Variants in NBAS observed in about 807,000 individuals in gnomAD.
The protein encoded by NBAS is NAG/BC035112 fusion.
Under a neutral mutation model 302.5 loss-of-function variants are expected in NBAS, and 219 were observed. The observed-to-expected ratio is 0.72, with a 90% CI of 0.65 to 0.81. NBAS has a LOEUF of 0.81. NBAS is among the 30% of genes least tolerant of loss of function. NBAS has a pLI of 0.00. For synonymous variants in NBAS, 1,118 were observed against 1,021.6 expected (o/e 1.09, Z -1.80); for missense variants, 2,932 against 2,841.6 (o/e 1.03, Z -0.72).
chr2:15,186,716 G>A (rs910893732), intron 50 of NBAS, 26 bp downstream of exon 50: 6 of 1,613,444 alleles, frequency 3.7e-6, no homozygotes, highest in Admixed American at 3.3e-5. Flanking sequence ...CCACTCCTTA[G>A]GAAAGCACTC....
the NBAS span, among the ~76,000 whole-genome samples, chr2:14,991,600 A>G: frequency 6.6e-6 from 1 of 152,178 alleles, no homozygotes; most frequent in Admixed American, 6.5e-5. Flanking sequence ...TGCATTACCC[A>G]TTAAATCAGA....
the NBAS span, among the ~76,000 whole-genome samples, chr2:15,062,969 C>A: frequency 6.6e-6 from 1 of 152,208 alleles, no homozygotes; most frequent in Non-Finnish European, 1.5e-5. Context: ...CTGTAGCCAA[C>A]TCTGTGCCTG....
intron 9 of NBAS, among the ~76,000 whole-genome samples, chr2:15,516,247 T>A (rs1646114614): frequency 6.6e-6 from 1 of 152,162 alleles, no homozygotes; most frequent in African/African-American, 2.4e-5. Context: ...CTGAACAAAC[T>A]GATTTAATGA....
At chr2:15,465,502 T>C (rs1281402416) in intron 19 of NBAS, among the ~76,000 whole-genome samples, 1 of 152,262 alleles carries the variant, frequency 6.6e-6, no homozygotes, top group Non-Finnish European at 1.5e-5. Context: ...ATCTTGCGTT[T>C]AGGAGGCATT....
intron 44 of NBAS, among the ~76,000 whole-genome samples, chr2:15,245,217 C>A (rs1034028529): frequency 2.6e-5 from 4 of 152,132 alleles, no homozygotes; most frequent in East Asian, 3.9e-4. Context: ...AGGCCCCATG[C>A]GATCTGCTCT....
At chr2:14,844,340 G>C in the NBAS span, among the ~76,000 whole-genome samples, 1 of 152,242 alleles carries the variant, frequency 6.6e-6, no homozygotes, top group East Asian at 1.9e-4. Flanking sequence ...GAAGGAGCCA[G>C]TCCCAGCAGG....
At chr2:15,071,433 G>C in the NBAS span, among the ~76,000 whole-genome samples, 2 of 152,044 alleles carry the variant, frequency 1.3e-5, no homozygotes, top group African/African-American at 2.4e-5. Context: ...AGACCAGCCC[G>C]GCCAATACGG....
chr2:15,004,657 C>T, the NBAS span, among the ~76,000 whole-genome samples: 10 of 150,484 alleles, frequency 6.6e-5, no homozygotes, highest in East Asian at 1.4e-3. Context: ...CAGACCACCA[C>T]TCCCAGCTGA....
rs148787393 is a variant in NBAS at position 15,373,997 on chromosome 2, C to T, written c.3703+611G>A. Among the ~76,000 whole-genome samples the T allele has an allele frequency of 7.2e-5, 11 of 152,290 alleles. 1 individual carries two copies. The South Asian group carries it at 1.5e-3, about 20-fold the overall frequency. ...GGTCCAGTACACCATGAGATGTAAA[C>T]AGTCCTCACAGCATAAATAGATGAG... On this transcript the variant is annotated intron_variant, in intron 31 of 51. Coordinates refer to ENST00000281513, the MANE Select transcript of NBAS (RefSeq NM_015909.4).
At chr2:15,121,165 C>A in the NBAS span, among the ~76,000 whole-genome samples, 9 of 152,174 alleles carry the variant, frequency 5.9e-5, no homozygotes, top group African/African-American at 2.2e-4. Flanking sequence ...TCCTCATGGG[C>A]AATCTTTGTT....
chr2:15,194,568 T>C (rs923951876), intron 48 of NBAS, among the ~76,000 whole-genome samples: 1 of 152,066 alleles, frequency 6.6e-6, no homozygotes, highest in Admixed American at 6.6e-5. Flanking sequence ...TTCTTCTTTC[T>C]TAAAGAAAAT....
intron 51 of NBAS, chr2:15,178,270 A>G: frequency 2.5e-6 from 1 of 408,088 alleles, no homozygotes; most frequent in Non-Finnish European, 5.0e-6. Flanking sequence ...TATAGTGTAC[A>G]TACTCAAACA....
At chr2:15,394,078 C>T (rs1675746979) in intron 28 of NBAS, 149 bp downstream of exon 28, 8 of 892,976 alleles carry the variant, frequency 9.0e-6, no homozygotes, top group Non-Finnish European at 1.3e-5. Context: ...GCTATACACA[C>T]ATATCAAAAC....
intron 35 of NBAS, among the ~76,000 whole-genome samples, chr2:15,344,654 T>G (rs1360560266): frequency 6.6e-6 from 1 of 152,160 alleles, no homozygotes; most frequent in African/African-American, 2.4e-5. Context: ...CCTCCCTAAC[T>G]CATTTTATGA....
chr2:15,225,932 T>C (rs947092013), intron 47 of NBAS, among the ~76,000 whole-genome samples: 11 of 152,174 alleles, frequency 7.2e-5, no homozygotes, highest in Admixed American at 4.6e-4. Flanking sequence ...AGGTAAGACC[T>C]TGCTACTCAA....
the NBAS span, among the ~76,000 whole-genome samples, chr2:15,117,199 G>A: frequency 2.0e-5 from 3 of 152,114 alleles, no homozygotes; most frequent in African/African-American, 4.8e-5. Flanking sequence ...TAAACCCGCC[G>A]TCCCCAGACC....
At position 15,309,265 on chromosome 2, in the gene NBAS, AAC is replaced by A; in HGVS notation, c.4583-20_4583-19del. 1.2e-6 allele frequency: 2 copies of A among 1,601,088 alleles called. No individual in the cohort carries two copies. The highest frequency in any genetic ancestry group is 2.2e-5 in the South Asian group (2 of 90,480). ...CAAGAGAACTGAATGCAGAAAAAGA[AAC>A]ATTATTTTACTGAGGTTGCATATGA... On this transcript the variant is annotated intron_variant, in intron 38 of 51. Coordinates refer to ENST00000281513, the MANE Select transcript of NBAS (RefSeq NM_015909.4).
the NBAS span, among the ~76,000 whole-genome samples, chr2:14,817,876 A>AC: frequency 2.9e-3 from 437 of 152,298 alleles, 4 homozygotes; most frequent in African/African-American, 0.01. Flanking sequence ...TATGGTTATG[A>AC]CTAGGAGCAA....
intron 50 of NBAS, chr2:15,179,968 A>T (rs1664744721): frequency 6.6e-6 from 1 of 152,246 alleles, no homozygotes; most frequent in South Asian, 2.1e-4. Flanking sequence ...CATAAAGAAG[A>T]GAACACTTTG....
Sources: allele counts gnomAD v4.1 joint callset (sites outside exome capture counted in the v4.1 genomes callset), GRCh38; gene constraint gnomAD v4.1.1; transcripts MANE v1.5; gene names NCBI Gene and HGNC (gene_info 2026-07-23, HGNC 2026-07-21).